Variants in SNED1 observed in about 807,000 individuals in gnomAD.
SNED1 encodes sushi, nidogen and EGF like domains 1, also known as sushi, nidogen and EGF-like domain-containing protein 1.
In SNED1, 81 loss-of-function variants were observed where a neutral mutation model predicts 166.7. That is an observed-to-expected ratio of 0.49 (90% CI 0.41 to 0.58). The LOEUF is 0.58. Among genes scored for constraint, SNED1 ranks in the 20% least tolerant of loss-of-function variants. The probability of loss-of-function intolerance (pLI) is 0.00; values close to 1 mark genes in which losing one functional copy is unlikely to be tolerated. For missense variants in SNED1, 1,604 were observed against 2,000.2 expected (o/e 0.80, Z 3.78); for synonymous variants, 762 against 822.0 (o/e 0.93, Z 1.25).
chr2:241,052,308 G>T, intron 14 of SNED1, 47 bp from the exon 15 acceptor site: 1 of 1,517,336 alleles, frequency 6.6e-7, no homozygotes, highest in Non-Finnish European at 9.0e-7. Flanking sequence ...ACAGTCCCGA[G>T]CCTTCAGGGA....
chr2:241,089,913 G>C (rs921091637), intron 31 of SNED1: 1 of 1,529,258 alleles, frequency 6.5e-7, no homozygotes, highest in Non-Finnish European at 8.8e-7. Context: ...ACAGTGCCAA[G>C]TGTGTGTGTA....
chr2:241,068,052 CA>C lies in SNED1; in HGVS notation c.3194+106del, dbSNP rs375232578. 6.2e-5 allele frequency: 57 copies of C among 925,238 alleles called. 1 individual carries two copies. Among genetic ancestry groups the C allele is most frequent in the African/African-American group, 4.3e-4 (12 of 28,060 alleles). 57.3% of individuals were successfully genotyped at this position (925,238 alleles called of 1,614,324 possible). ...CACATTCTCCGTGTGTGGACTGTACCACCTGCCGCTCCTCACCTGAGCGGAG... is the reference window on the plus strand; with the variant it reads ...CACATTCTCCGTGTGTGGACTGTACCCCTGCCGCTCCTCACCTGAGCGGAG... On this transcript the variant is annotated intron_variant, in intron 22 of 31. Coordinates refer to ENST00000310397, the MANE Select transcript of SNED1 (RefSeq NM_001080437.3). The surrounding 1 kb of genome is among the most constrained non-coding windows in gnomAD (Gnocchi z 5.3).
chr2:241,008,843 A>G lies in SNED1; in HGVS notation c.213+9793A>G, dbSNP rs536829584. On this transcript the variant is annotated intron_variant, in intron 1 of 31. Transcript: ENST00000310397. ...TGGCCAGCCCAGGCCCCTGACCCCA[A>G]TGCCTCCACACAGGAGGGCAGCCCA... Among the ~76,000 whole-genome samples, 77 of 152,318 alleles carry G rather than the reference A, an allele frequency of 5.1e-4. 1 individual carries two copies. The South Asian group carries it at 0.014, about 28-fold the overall frequency.
rs1401534610 is a variant in SNED1 at position 241,071,693 on chromosome 2, C to A, written c.3707C>A (p.Ala1236Asp). ...CTGCGCCTGCTCAATGACCACAGCGCCCCCGAGACCCCCACCCAGCCCCCC... is the reference window on the plus strand; with the variant it reads ...CTGCGCCTGCTCAATGACCACAGCGACCCCGAGACCCCCACCCAGCCCCCC... ...PELRLLNDHSAPETPTQPPRF... is the reference protein window; with the variant it reads ...PELRLLNDHSDPETPTQPPRF... Residue 1236 changes from alanine to aspartate, a missense_variant, in exon 25 of 32, where the codon GCC becomes GAC. Ala to Asp is a moderately radical substitution (Grantham distance 126). This residue lies in a region of SNED1 where 367 missense variants were observed against 379.4 expected (regional missense o/e 0.97). Coordinates refer to ENST00000310397, the MANE Select transcript of SNED1 (RefSeq NM_001080437.3). 2.0e-6 allele frequency: 3 copies of A among 1,516,508 alleles called. No homozygotes were observed. Among genetic ancestry groups the A allele is most frequent in the African/African-American group, 1.4e-5 (1 of 72,586 alleles). The allele number at this position is 1,516,508 out of a possible 1,614,324, so 93.9% of individuals were successfully genotyped here.
At chr2:241,034,256 G>A (rs558499499) in intron 3 of SNED1, among the ~76,000 whole-genome samples, 1 of 152,366 alleles carries the variant, frequency 6.6e-6, no homozygotes, top group South Asian at 2.1e-4. Flanking sequence ...CACAGGGTCA[G>A]TGCTCCCCAG....
chr2:241,053,525 T>C (rs2061946256), intron 16 of SNED1, among the ~76,000 whole-genome samples, 199 bp downstream of exon 16: 1 of 152,212 alleles, frequency 6.6e-6, no homozygotes, highest in Admixed American at 6.5e-5. Flanking sequence ...AACTTTGCTC[T>C]GGGGCATTCA....
intron 1 of SNED1, among the ~76,000 whole-genome samples, chr2:241,001,571 G>T (rs774004669): frequency 1.3e-5 from 2 of 152,226 alleles, no homozygotes; most frequent in South Asian, 4.1e-4. Flanking sequence ...GGAGTGTGGC[G>T]TGCTGAGGAG....
chr2:241,062,088 A>G (rs2062252324), intron 16 of SNED1, among the ~76,000 whole-genome samples: 1 of 152,224 alleles, frequency 6.6e-6, no homozygotes, highest in Non-Finnish European at 1.5e-5. Context: ...TAAACAACAA[A>G]AACATTCACT....
In SNED1 at chr2:241,049,823, C is replaced by G; in HGVS notation, c.1625C>G (p.Pro542Arg). 1 of 1,613,472 alleles carries G rather than the reference C, an allele frequency of 6.2e-7. No individual in the cohort carries two copies. ...CTCTGTCCCCCGCCCCCAGCCCTGC[C>G]ATCACCCTGCGACTCGGACCCCTGC... is the stretch of plus-strand genomic sequence containing the variant. Reference protein sequence around the residue: ...HTDHNASHSLPSPCDSDPCFN... With the variant: ...HTDHNASHSLRSPCDSDPCFN... The change falls in exon 12 of 32, where the codon CCA (proline) becomes CGA (arginine). Residue 542 changes from proline (P) to arginine (R), a missense_variant. This residue lies in a region of SNED1 where 1,237 missense variants were observed against 1,620.8 expected (regional missense o/e 0.76). Transcript: ENST00000310397.
At chr2:241,040,861 C>A (rs1252807338) in intron 8 of SNED1, 1 of 471,114 alleles carries the variant, frequency 2.1e-6, no homozygotes, top group Non-Finnish European at 4.4e-6. Flanking sequence ...ATTTTCTATT[C>A]TATTTTGTGT....
chr2:241,020,697 G>A (rs978463537), intron 1 of SNED1, among the ~76,000 whole-genome samples: 2 of 152,182 alleles, frequency 1.3e-5, no homozygotes, highest in Admixed American at 6.5e-5. Flanking sequence ...ACAAGTGCTC[G>A]CTGCAGGCCA....
chr2:241,052,741 T>G (rs1189202207), intron 15 of SNED1, among the ~76,000 whole-genome samples: 13 of 13,656 alleles, frequency 9.5e-4, no homozygotes, highest in Admixed American at 4.5e-3. Context: ...GCCAGGCAGG[T>G]GAGAGGGCCG....
chr2:241,090,712 CA>C (rs1269943038), intron 31 of SNED1, among the ~76,000 whole-genome samples: 19 of 152,012 alleles, frequency 1.2e-4, no homozygotes, highest in Non-Finnish European at 1.9e-4. Context: ...ACTAAAAATA[CA>C]AAAATTAGTC....
chr2:241,090,150 T>C, intron 31 of SNED1: 2 of 1,459,078 alleles, frequency 1.4e-6, no homozygotes, highest in Non-Finnish European at 1.8e-6. Flanking sequence ...ACAAACACAC[T>C]GTACGGATGT....
At chr2:241,060,938 AC>A (rs1389571577) in intron 16 of SNED1, among the ~76,000 whole-genome samples, 4 of 152,270 alleles carry the variant, frequency 2.6e-5, no homozygotes, top group East Asian at 1.9e-4. Context: ...TCAAAAAAAA[AC>A]AACCAAAAAA....
chr2:241,060,803 C>G (rs1559279832), intron 16 of SNED1, among the ~76,000 whole-genome samples: 1 of 152,010 alleles, frequency 6.6e-6, no homozygotes, highest in Non-Finnish European at 1.5e-5. Flanking sequence ...TAGTGGCATG[C>G]ACCTGTAGTC....
chr2:241,025,306 C>G (rs1310026756), intron 1 of SNED1, among the ~76,000 whole-genome samples: 1 of 152,178 alleles, frequency 6.6e-6, no homozygotes, highest in Non-Finnish European at 1.5e-5. Flanking sequence ...CACCCCCACC[C>G]CAGTCCATGG....
At chr2:241,038,248 A>G (rs7560898) in intron 6 of SNED1, among the ~76,000 whole-genome samples, 92,358 of 152,124 alleles carry the variant, frequency 0.61, 29,119 homozygotes, top group African/African-American at 0.78. Flanking sequence ...AGATCAATGC[A>G]TTCAAATAGT....
At chr2:241,042,516 A>G (rs995422210) in intron 8 of SNED1, among the ~76,000 whole-genome samples, 2 of 152,220 alleles carry the variant, frequency 1.3e-5, no homozygotes, top group Non-Finnish European at 2.9e-5. Flanking sequence ...CAGGTCTACA[A>G]AGAAGTAACA....
Sources: gnomAD v4.1 joint callset for allele counts (sites outside exome capture counted in the v4.1 genomes callset) on GRCh38, gnomAD v4.1.1 for gene constraint, gnomAD v4.1.1 regional missense constraint, Gnocchi (gnomAD v3.1) non-coding constraint, MANE v1.5 for transcripts, NCBI Gene and HGNC (gene_info 2026-07-23, HGNC 2026-07-21) for gene names.